The following PHKA1 variants were observed in gnomAD, a reference collection of about 807,000 sequenced individuals.
PHKA1 encodes the protein phosphorylase b kinase regulatory subunit alpha, skeletal muscle isoform.
In PHKA1, 60 loss-of-function variants were observed where a neutral mutation model predicts 110.2. The observed-to-expected ratio is 0.54, with a 90% CI of 0.44 to 0.68. The LOEUF is 0.68. Ranked by LOEUF, PHKA1 falls within the 30% of genes least tolerant of loss-of-function variation. The pLI is 0.00. For synonymous variants in PHKA1, 316 were observed against 333.6 expected (o/e 0.95, Z 0.58); for missense variants, 801 against 942.5 (o/e 0.85, Z 1.97).
At chrX:72,669,791 G>T (rs1168904091) in intron 6 of PHKA1, among the ~76,000 whole-genome samples, 11 of 110,313 alleles carry the variant, frequency 1.0e-4, no homozygotes, top group Non-Finnish European at 1.9e-4. Flanking sequence ...TGTTGGACAT[G>T]TGGGTTGGTT....
intron 4 of PHKA1, among the ~76,000 whole-genome samples, chrX:72,691,740 T>A (rs2054042231): frequency 8.9e-6 from 1 of 112,589 alleles, no homozygotes; most frequent in African/African-American, 3.2e-5. Context: ...GTTACCTTGC[T>A]GAACTTTGTT....
chrX:72,667,244 T>C (rs917595510), intron 7 of PHKA1, 131 bp downstream of exon 7: 14 of 525,089 alleles, frequency 2.7e-5, no homozygotes, highest in Non-Finnish European at 4.6e-5. Context: ...GTTAAATATA[T>C]TTTTGGTACA....
chrX:72,693,965 C>G (rs1002413618), intron 4 of PHKA1, among the ~76,000 whole-genome samples: 1 of 112,009 alleles, frequency 8.9e-6, no homozygotes. Context: ...GTATGTCCTT[C>G]AGACAATTTC....
At chrX:72,679,250 C>T (rs1321307926) in intron 5 of PHKA1, among the ~76,000 whole-genome samples, 1 of 110,826 alleles carries the variant, frequency 9.0e-6, no homozygotes, top group Non-Finnish European at 1.9e-5. Flanking sequence ...AATAACTAGC[C>T]CCAGACTAGA....
chrX:72,682,890 C>A (rs1330220908), intron 5 of PHKA1, among the ~76,000 whole-genome samples: 1 of 79,021 alleles, frequency 1.3e-5, no homozygotes, highest in Non-Finnish European at 2.4e-5. Context: ...TGCCAAATCC[C>A]CCTCTGTGAG....
intron 16 of PHKA1, among the ~76,000 whole-genome samples, chrX:72,632,056 T>C (rs1282180345): frequency 8.9e-6 from 1 of 112,091 alleles, no homozygotes; most frequent in Non-Finnish European, 1.9e-5. Context: ...CTATTCTGTG[T>C]TAATTAGTTT....
chrX:72,609,611 C>T lies in PHKA1; in HGVS notation c.2606+13G>A. On this transcript the variant is annotated intron_variant, in intron 23 of 31. Transcript: ENST00000373542. ...CTTCTCAGAGAAGCCTGACCAAACC[C>T]AGCCATACTCACGCAGAGATAGTCT... 1 of 1,169,223 alleles carries T rather than the reference C, an allele frequency of 8.6e-7. No homozygotes were observed. The highest frequency in any genetic ancestry group is 1.2e-6 in the Non-Finnish European group (1 of 856,834).
chrX:72,680,589 G>C (rs1368458366), intron 5 of PHKA1, among the ~76,000 whole-genome samples: 1 of 110,197 alleles, frequency 9.1e-6, no homozygotes, highest in Non-Finnish European at 1.9e-5. Context: ...GTTAAAGAAA[G>C]TTTTTCGAGG....
chrX:72,706,667 G>A (rs559675497), intron 2 of PHKA1, among the ~76,000 whole-genome samples: 1 of 111,092 alleles, frequency 9.0e-6, no homozygotes, highest in African/African-American at 3.3e-5. Flanking sequence ...GCCTCTAGTC[G>A]ACCAATATAG....
chrX:72,706,867 A>G (rs1323346507), intron 2 of PHKA1, among the ~76,000 whole-genome samples: 3 of 111,556 alleles, frequency 2.7e-5, no homozygotes, highest in Non-Finnish European at 3.8e-5. Flanking sequence ...GAGGATCTCA[A>G]TTAGTGGCCA....
rs1217330046 is a variant in PHKA1, at chrX:72,580,650, C to T, written c.*352G>A. 1.6e-5 allele frequency: 4 copies of T among 250,750 alleles called. No homozygotes were observed. Among genetic ancestry groups the T allele is most frequent in the Non-Finnish European group, 2.8e-5 (4 of 141,899 alleles). 20.7% of individuals were successfully genotyped at this position (250,750 alleles called of 1,213,427 possible). On this transcript the variant is annotated 3_prime_UTR_variant, in exon 32 of 32. Coordinates refer to ENST00000373542, the MANE Select transcript of PHKA1 (RefSeq NM_002637.4). ...AGCTTTAGGAATAAGTTATTATTAA[C>T]ACTTGCTCCCCAAACAGGAGTTAGA...
At chrX:72,661,718 G>A (rs782089985) in intron 8 of PHKA1, among the ~76,000 whole-genome samples, 2 of 94,166 alleles carry the variant, frequency 2.1e-5, no homozygotes, top group African/African-American at 8.1e-5. Flanking sequence ...ATGTTCATTG[G>A]TTACACATGT....
In PHKA1 at chrX:72,695,733, G is replaced by C; in HGVS notation, c.429C>G (p.Leu143=). ...LQLDATSVYL[L]FLAQMTASGL... ...CTGAGGCAGTCATTTGGGCTAAGAA[G>C]AGCAGGTACACAGAGGTAGCATCCA... The change falls in exon 4 of 32, where the codon CTC becomes CTG. Residue 143 remains leucine, a synonymous_variant. Transcript: ENST00000373542. The C allele has an allele frequency of 1.7e-6, 2 of 1,209,703 alleles. No homozygotes were observed. The highest frequency in any genetic ancestry group is 2.2e-6 in the Non-Finnish European group (2 of 895,030).
chrX:72,603,915 A>G (rs1230153416), intron 25 of PHKA1, among the ~76,000 whole-genome samples: 12 of 111,010 alleles, frequency 1.1e-4, no homozygotes, highest in African/African-American at 3.9e-4. Context: ...ATCTCCAAGG[A>G]CTGGAACTGA....
intron 21 of PHKA1, among the ~76,000 whole-genome samples, chrX:72,617,549 T>C (rs1556271109): frequency 9.0e-6 from 1 of 110,912 alleles, no homozygotes; most frequent in Admixed American, 9.6e-5. Context: ...GAGATATAAC[T>C]GATACCACAG....
At chrX:72,639,911 C>T (rs1163305920) in intron 14 of PHKA1, among the ~76,000 whole-genome samples, 3 of 112,002 alleles carry the variant, frequency 2.7e-5, no homozygotes, top group Admixed American at 9.4e-5. Flanking sequence ...TATGCATGTA[C>T]AGTAAATTAT....
chrX:72,681,134 G>A (rs1355900507), intron 5 of PHKA1, among the ~76,000 whole-genome samples: 124 of 83,942 alleles, frequency 1.5e-3, no homozygotes, highest in Middle Eastern at 5.8e-3. Context: ...GTCTCTGCCC[G>A]GCCGCCCATC....
At position 72,703,379 on chromosome X, in the gene PHKA1, G is replaced by GT. The variant is rs1183532053; in HGVS notation, c.285+1818dup. On this transcript the variant is annotated intron_variant, in intron 3 of 31. Transcript: ENST00000373542. ...AGTGACCTTAAACCTATTTGGTAAG[G>GT]TAAAAAGTTCAAATATTGGCCAGGC... is the stretch of plus-strand genomic sequence containing the variant. 4.5e-5 allele frequency among the ~76,000 whole-genome samples: 5 copies of GT among 112,120 alleles called. No homozygotes were observed. In the East Asian group the frequency reaches 1.1e-3, roughly 25 times the overall value.
At chrX:72,648,552 C>G (rs782581344) in intron 13 of PHKA1, among the ~76,000 whole-genome samples, 1 of 111,348 alleles carries the variant, frequency 9.0e-6, no homozygotes, top group South Asian at 3.8e-4. Flanking sequence ...TGCCACCACT[C>G]TGCTCATTTG....
Sources: gnomAD v4.1 joint callset for allele counts (sites outside exome capture counted in the v4.1 genomes callset) on GRCh38, gnomAD v4.1.1 for gene constraint, MANE v1.5 for transcripts, NCBI Gene and HGNC (gene_info 2026-07-23, HGNC 2026-07-21) for gene names.